TMEM117: variants seen among roughly 807,000 people sequenced by gnomAD.
TMEM117 encodes the protein transmembrane protein 117.
TMEM117 carries 27 observed loss-of-function variants against 52.4 expected under a neutral mutation model. The ratio of observed to expected loss-of-function variants is 0.51; its 90% confidence interval spans 0.38 to 0.71. The LOEUF is 0.71. Ranked by LOEUF, TMEM117 falls within the 30% of genes least tolerant of loss-of-function variation. TMEM117 has a pLI of 0.00. For missense variants in TMEM117, 556 were observed against 630.5 expected (o/e 0.88, Z 1.26); for synonymous variants, 215 against 206.3 (o/e 1.04, Z -0.36).
intron 4 of TMEM117, among the ~76,000 whole-genome samples, chr12:44,159,973 A>G (rs1948876819): frequency 6.6e-6 from 1 of 152,184 alleles, no homozygotes; most frequent in African/African-American, 2.4e-5. Context: ...CCAGGTTCCT[A>G]GTTTCAAATC....
chr12:43,945,583 A>G (rs777345843), intron 3 of TMEM117, among the ~76,000 whole-genome samples: 23 of 152,174 alleles, frequency 1.5e-4, no homozygotes, highest in Non-Finnish European at 3.1e-4. Context: ...TTGGCCTCCC[A>G]AAGTGCTGGG....
the TMEM117 span, among the ~76,000 whole-genome samples, chr12:43,803,619 TTAAC>T: frequency 6.6e-6 from 1 of 152,138 alleles, no homozygotes; most frequent in East Asian, 1.9e-4. Flanking sequence ...TTTTAGTTCC[TTAAC>T]TAGTCACTTA....
At chr12:44,171,341 T>C (rs1949043695) in intron 4 of TMEM117, among the ~76,000 whole-genome samples, 1 of 152,180 alleles carries the variant, frequency 6.6e-6, no homozygotes, top group African/African-American at 2.4e-5. Context: ...TTGAGGGAGA[T>C]AACTTTGAGA....
intron 6 of TMEM117, among the ~76,000 whole-genome samples, chr12:44,371,074 A>G (rs1257594547): frequency 6.6e-6 from 1 of 152,186 alleles, no homozygotes; most frequent in Non-Finnish European, 1.5e-5. Flanking sequence ...GAAAGAAATC[A>G]GGCACTCAGG....
chr12:43,813,007 C>CG, the TMEM117 span, among the ~76,000 whole-genome samples: 1 of 143,006 alleles, frequency 7.0e-6, no homozygotes, highest in Non-Finnish European at 1.5e-5. Flanking sequence ...ACCCTGTCTC[C>CG]AAAAAAAAAA....
chr12:43,955,881 GC>G (rs903929046), intron 3 of TMEM117, among the ~76,000 whole-genome samples: 11 of 152,152 alleles, frequency 7.2e-5, no homozygotes, highest in African/African-American at 2.7e-4. Flanking sequence ...ATGCTATGAT[GC>G]CTTTAAACTT....
At chr12:44,131,446 A>G (rs1948411938) in intron 3 of TMEM117, among the ~76,000 whole-genome samples, 1 of 152,118 alleles carries the variant, frequency 6.6e-6, no homozygotes, top group Non-Finnish European at 1.5e-5. Context: ...GCATTAAAAG[A>G]ATGTGCATTC....
At chr12:44,241,679 A>C (rs73274106) in intron 5 of TMEM117, among the ~76,000 whole-genome samples, 2,881 of 151,910 alleles carry the variant, frequency 0.019, 81 homozygotes, top group African/African-American at 0.066. Context: ...GGAATTTGTC[A>C]TATGTTATGA....
At chr12:44,181,526 T>TCA (rs1949198763) in intron 4 of TMEM117, among the ~76,000 whole-genome samples, 2 of 150,422 alleles carry the variant, frequency 1.3e-5, no homozygotes, top group African/African-American at 2.4e-5. Flanking sequence ...GAATTGATTT[T>TCA]TGTATAAGGT....
chr12:44,393,683 G>C (rs924092295), downstream of TMEM117, among the ~76,000 whole-genome samples: 6 of 152,158 alleles, frequency 3.9e-5, no homozygotes, highest in Non-Finnish European at 8.8e-5. Flanking sequence ...CTGGGAAATG[G>C]TTGTAAAGCC....
chr12:44,018,365 G>C (rs1946403952), intron 3 of TMEM117, among the ~76,000 whole-genome samples: 1 of 152,106 alleles, frequency 6.6e-6, no homozygotes, highest in Non-Finnish European at 1.5e-5. Context: ...TTAAGGAAAG[G>C]TCAAAATTAT....
At chr12:43,895,403 G>A (rs148469757) in intron 2 of TMEM117, among the ~76,000 whole-genome samples, 9 of 152,212 alleles carry the variant, frequency 5.9e-5, no homozygotes, top group East Asian at 3.9e-4. Context: ...TATCACTGAC[G>A]CGCATTTAGG....
At chr12:44,332,711 CTA>C (rs1491133789) in intron 6 of TMEM117, among the ~76,000 whole-genome samples, 24 of 110,664 alleles carry the variant, frequency 2.2e-4, no homozygotes, top group African/African-American at 8.1e-4. Flanking sequence ...ACTACTGTTA[CTA>C]CACACACACA....
At chr12:44,182,135 T>C (rs192166260) in intron 4 of TMEM117, among the ~76,000 whole-genome samples, 3,384 of 152,292 alleles carry the variant, frequency 0.022, 154 homozygotes, top group South Asian at 0.099. Context: ...GGGAGTTCAC[T>C]CATGATTTGG....
intron 6 of TMEM117, among the ~76,000 whole-genome samples, chr12:44,311,779 G>GTA (rs1950982589): frequency 5.8e-5 from 1 of 17,370 alleles, no homozygotes; most frequent in African/African-American, 1.1e-4. Flanking sequence ...GTATATATGT[G>GTA]TATATATGTA....
At chr12:43,891,835 C>T (rs1383096856) in intron 2 of TMEM117, among the ~76,000 whole-genome samples, 1 of 152,024 alleles carries the variant, frequency 6.6e-6, no homozygotes, top group Non-Finnish European at 1.5e-5. Context: ...TTCCTTAGTT[C>T]TCTATTATTC....
chr12:44,385,540 C>T (rs1178688121), intron 7 of TMEM117, among the ~76,000 whole-genome samples: 1 of 152,046 alleles, frequency 6.6e-6, no homozygotes, highest in Non-Finnish European at 1.5e-5. Context: ...TTCAAGGCTG[C>T]AGTGAGCTAT....
chr12:44,268,329 A>T (rs1484743611), intron 5 of TMEM117, among the ~76,000 whole-genome samples: 1 of 151,810 alleles, frequency 6.6e-6, no homozygotes, highest in Non-Finnish European at 1.5e-5. Context: ...CTTTTAGTAG[A>T]GATGGGGTTT....
At chr12:44,302,036 G>C (rs1421883398) in intron 6 of TMEM117, among the ~76,000 whole-genome samples, 2 of 152,176 alleles carry the variant, frequency 1.3e-5, no homozygotes, top group African/African-American at 2.4e-5. Flanking sequence ...AAGTCAGCTA[G>C]CCAGGCCTAC....
Sources: allele counts gnomAD v4.1 joint callset (sites outside exome capture counted in the v4.1 genomes callset), GRCh38; gene constraint gnomAD v4.1.1; transcripts MANE v1.5; gene names NCBI Gene and HGNC (gene_info 2026-07-23, HGNC 2026-07-21).